Variants in ADGRL3 observed in about 807,000 individuals in gnomAD.
ADGRL3 encodes adhesion G protein-coupled receptor L3.
Under a neutral mutation model 153.5 loss-of-function variants are expected in ADGRL3, and 62 were observed. That is an observed-to-expected ratio of 0.40 (90% CI 0.33 to 0.50). The LOEUF (loss-of-function observed/expected upper bound fraction) is 0.50, where lower values mean the gene tolerates loss of function less well. Ranked by LOEUF, ADGRL3 falls within the 20% of genes least tolerant of loss-of-function variation. The probability of loss-of-function intolerance (pLI) is 0.47; values close to 1 mark genes in which losing one functional copy is unlikely to be tolerated. For synonymous variants in ADGRL3, 710 were observed against 672.5 expected (o/e 1.06, Z -0.86); for missense variants, 1,641 against 1,859.4 (o/e 0.88, Z 2.16).
chr4:61,657,818 A>C, intron 5 of ADGRL3, among the ~76,000 whole-genome samples: 1 of 152,212 alleles, frequency 6.6e-6, no homozygotes, highest in East Asian at 1.9e-4. Flanking sequence ...TGCCCAAGTT[A>C]TTCCTTTTGA....
intron 5 of ADGRL3, among the ~76,000 whole-genome samples, chr4:61,650,627 C>CT (rs952890130): frequency 6.6e-6 from 1 of 151,420 alleles, no homozygotes. Flanking sequence ...CTTTTCCTTT[C>CT]TTTTTTTTGA....
chr4:61,216,490 G>A (rs1742834204), intron 1 of ADGRL3, among the ~76,000 whole-genome samples: 1 of 151,924 alleles, frequency 6.6e-6, no homozygotes, highest in African/African-American at 2.4e-5. Flanking sequence ...TATACCTTGA[G>A]TGTAGAATTC....
intron 8 of ADGRL3, among the ~76,000 whole-genome samples, chr4:61,795,194 C>G (rs574580083): frequency 6.6e-6 from 1 of 152,306 alleles, no homozygotes; most frequent in South Asian, 2.1e-4. Flanking sequence ...GTAGCATGAT[C>G]ATAGCTCACT....
chr4:61,750,810 A>AAAAAAAAAAAAAT, intron 8 of ADGRL3, among the ~76,000 whole-genome samples: 1 of 147,166 alleles, frequency 6.8e-6, no homozygotes, highest in African/African-American at 2.7e-5. Flanking sequence ...AAAAAAAAAA[A>AAAAAAAAAAAAAT]AAGTCAAAGC....
At chr4:61,411,536 G>A (rs182900508) in intron 2 of ADGRL3, among the ~76,000 whole-genome samples, 131 of 152,198 alleles carry the variant, frequency 8.6e-4, no homozygotes, top group African/African-American at 2.8e-3. Context: ...TGCCTAATAT[G>A]TGAATAATCA....
At chr4:61,927,337 C>T (rs1297645870) in intron 13 of ADGRL3, among the ~76,000 whole-genome samples, 3 of 151,060 alleles carry the variant, frequency 2.0e-5, no homozygotes, top group Non-Finnish European at 4.4e-5. Flanking sequence ...CGATCAAATA[C>T]AGTTTGCAAA....
At chr4:61,810,959 A>G (rs893000417) in intron 8 of ADGRL3, among the ~76,000 whole-genome samples, 1 of 152,126 alleles carries the variant, frequency 6.6e-6, no homozygotes, top group Non-Finnish European at 1.5e-5. Context: ...TGACTTAACT[A>G]TACTATCACC....
At chr4:61,714,218 T>TACGCACACACACAC (rs2096060685) in intron 6 of ADGRL3, among the ~76,000 whole-genome samples, 1 of 128,982 alleles carries the variant, frequency 7.8e-6, no homozygotes, top group Admixed American at 7.4e-5. Flanking sequence ...CCATGTAAAA[T>TACGCACACACACAC]ACGCACACAC....
intron 13 of ADGRL3, among the ~76,000 whole-genome samples, chr4:61,919,790 T>C (rs2098760220): frequency 6.6e-6 from 1 of 152,166 alleles, no homozygotes; most frequent in African/African-American, 2.4e-5. Context: ...TCTCTCACAA[T>C]TCCCCTGGCG....
intron 2 of ADGRL3, among the ~76,000 whole-genome samples, chr4:61,420,053 C>T (rs1379350532): frequency 1.3e-5 from 2 of 152,104 alleles, no homozygotes; most frequent in Non-Finnish European, 2.9e-5. Flanking sequence ...CCACCCACCT[C>T]GGCCTCCCAA....
intron 3 of ADGRL3, among the ~76,000 whole-genome samples, chr4:61,515,745 C>A (rs772196060): frequency 6.6e-6 from 1 of 152,016 alleles, no homozygotes; most frequent in Non-Finnish European, 1.5e-5. Flanking sequence ...AGAGTAGTAA[C>A]AAAGATATTA....
intron 9 of ADGRL3, among the ~76,000 whole-genome samples, chr4:61,889,629 G>A (rs999400886): frequency 1.3e-5 from 2 of 152,172 alleles, no homozygotes; most frequent in African/African-American, 4.8e-5. Flanking sequence ...TACTGGTGCT[G>A]TTGTTAAATT....
intron 8 of ADGRL3, chr4:61,775,310 T>C (rs1259695375): frequency 3.2e-6 from 1 of 308,864 alleles, no homozygotes; most frequent in Non-Finnish European, 6.2e-6. Flanking sequence ...CTGATAATGT[T>C]CTAGAGTTAA....
At chr4:61,852,989 C>T (rs893308478) in intron 9 of ADGRL3, among the ~76,000 whole-genome samples, 4 of 151,890 alleles carry the variant, frequency 2.6e-5, no homozygotes, top group African/African-American at 9.7e-5. Flanking sequence ...TCCTTCTTTC[C>T]ATGCTTGTTT....
intron 1 of ADGRL3, among the ~76,000 whole-genome samples, chr4:61,378,441 C>T (rs1011035641): frequency 3.9e-5 from 6 of 151,966 alleles, no homozygotes; most frequent in Non-Finnish European, 8.8e-5. Context: ...AAACTTTGTA[C>T]TACTGATTTA....
intron 6 of ADGRL3, among the ~76,000 whole-genome samples, chr4:61,715,208 C>T (rs79676171): frequency 0.032 from 4,846 of 152,190 alleles, 240 homozygotes; most frequent in African/African-American, 0.11. Flanking sequence ...TTCTTACATT[C>T]GACTGGTTAT....
At chr4:61,600,306 G>GAAAA (rs2099005856) in intron 5 of ADGRL3, among the ~76,000 whole-genome samples, 1 of 1,346 alleles carries the variant, frequency 7.4e-4, no homozygotes, top group African/African-American at 2.5e-3. Context: ...AGGCTGCCTT[G>GAAAA]CAAAAAAAAA....
intron 21 of ADGRL3, among the ~76,000 whole-genome samples, chr4:61,999,441 T>C (rs1352736088): frequency 6.6e-6 from 1 of 152,242 alleles, no homozygotes; most frequent in African/African-American, 2.4e-5. Flanking sequence ...GTATAATATT[T>C]TAGAAAGATA....
chr4:61,642,790 T>C (rs2150206757), intron 5 of ADGRL3, among the ~76,000 whole-genome samples: 1 of 152,314 alleles, frequency 6.6e-6, no homozygotes, highest in East Asian at 1.9e-4. Context: ...TGGTTCCATA[T>C]GAACTTTAAA....
Sources: gnomAD v4.1 joint callset for allele counts (sites outside exome capture counted in the v4.1 genomes callset) on GRCh38, gnomAD v4.1.1 for gene constraint, MANE v1.5 for transcripts, NCBI Gene and HGNC (gene_info 2026-07-23, HGNC 2026-07-21) for gene names.